Variants in NKAIN2 observed in about 807,000 individuals in gnomAD.
The protein encoded by NKAIN2 is sodium/potassium transporting ATPase interacting 2.
In NKAIN2, 14 loss-of-function variants were observed where a neutral mutation model predicts 32.6. That is an observed-to-expected ratio of 0.43 (90% CI 0.28 to 0.67). NKAIN2 has a LOEUF of 0.67. NKAIN2 is among the 30% of genes least tolerant of loss of function. The pLI, the probability that NKAIN2 is intolerant of heterozygous loss-of-function variation, is 0.17. For missense variants in NKAIN2, 198 were observed against 258.3 expected, an observed-to-expected ratio of 0.77 and a Z score of 1.60; for synonymous variants, 80 against 87.2, an observed-to-expected ratio of 0.92 and a Z score of 0.46.
intron 1 of NKAIN2, among the ~76,000 whole-genome samples, chr6:124,179,889 A>C (rs1353158066): frequency 6.6e-6 from 1 of 152,210 alleles, no homozygotes; most frequent in Non-Finnish European, 1.5e-5. Flanking sequence ...AACTATGTCT[A>C]ATTTTGGCAG....
intron 2 of NKAIN2, among the ~76,000 whole-genome samples, chr6:124,312,615 C>T (rs1330145122): frequency 6.6e-6 from 1 of 152,188 alleles, no homozygotes; most frequent in Admixed American, 6.5e-5. Flanking sequence ...GTGCTGCTCT[C>T]TGGGAATCTT....
chr6:124,711,199 C>A (rs1244310120), intron 4 of NKAIN2, among the ~76,000 whole-genome samples: 5 of 124,664 alleles, frequency 4.0e-5, no homozygotes, highest in South Asian at 2.9e-4. Context: ...CTGAGAGATC[C>A]GCTGTTAGTC....
intron 4 of NKAIN2, among the ~76,000 whole-genome samples, chr6:124,711,454 A>G (rs1345344373): frequency 2.7e-5 from 4 of 150,862 alleles, no homozygotes; most frequent in Non-Finnish European, 5.9e-5. Flanking sequence ...TTTCAGGTAC[A>G]CCAGTCAGAC....
intron 1 of NKAIN2, among the ~76,000 whole-genome samples, chr6:123,984,693 T>C (rs1376998510): frequency 6.6e-6 from 1 of 152,168 alleles, no homozygotes; most frequent in Non-Finnish European, 1.5e-5. Flanking sequence ...AGTTATCTTT[T>C]ATCAACTCAA....
At chr6:124,305,976 A>G (rs1796491928) in intron 2 of NKAIN2, among the ~76,000 whole-genome samples, 1 of 151,480 alleles carries the variant, frequency 6.6e-6, no homozygotes, top group Admixed American at 6.6e-5. Flanking sequence ...ATTTCTCCCA[A>G]TTGTCCTTAC....
At position 124,373,608 on chromosome 6, in the gene NKAIN2, C is replaced by G. The variant is rs1194398290; in HGVS notation, c.273+18261C>G. 1.3e-5 allele frequency among the ~76,000 whole-genome samples: 2 copies of G among 152,092 alleles called. 1 individual carries two copies. Among genetic ancestry groups the G allele is most frequent in the South Asian group, 4.1e-4 (2 of 4,828 alleles). The stretch of plus-strand genomic sequence containing the variant: ...TATGCCCCAGGGCTCTGCAACTTCT[C>G]ATGTCTGAAGAAGAGGATCCAGAAA... On this transcript the variant is annotated intron_variant, in intron 3 of 6. Coordinates refer to ENST00000368417, the MANE Select transcript of NKAIN2 (RefSeq NM_001040214.3).
intron 4 of NKAIN2, among the ~76,000 whole-genome samples, chr6:124,790,635 G>A (rs1477258047): frequency 6.6e-6 from 1 of 152,006 alleles, no homozygotes; most frequent in Non-Finnish European, 1.5e-5. Context: ...CTAATAGGAA[G>A]GAATACAAAA....
chr6:124,346,926 G>A (rs1023853842), intron 2 of NKAIN2, among the ~76,000 whole-genome samples: 1 of 152,110 alleles, frequency 6.6e-6, no homozygotes, highest in Non-Finnish European at 1.5e-5. Flanking sequence ...TTTCTTCCTA[G>A]TCTCAATGGT....
intron 1 of NKAIN2, among the ~76,000 whole-genome samples, chr6:123,826,893 A>G (rs1321147530): frequency 1.3e-5 from 2 of 152,070 alleles, no homozygotes; most frequent in African/African-American, 4.8e-5. Context: ...TGGCATTTCT[A>G]TTTGTAATTT....
intron 1 of NKAIN2, among the ~76,000 whole-genome samples, chr6:124,141,908 C>T (rs1199451671): frequency 6.6e-6 from 1 of 152,124 alleles, no homozygotes; most frequent in East Asian, 1.9e-4. Flanking sequence ...AAATTTTCAG[C>T]TTTTCTCCCT....
chr6:123,938,216 G>A (rs1776611540), intron 1 of NKAIN2, among the ~76,000 whole-genome samples: 1 of 151,266 alleles, frequency 6.6e-6, no homozygotes, highest in Admixed American at 6.6e-5. Context: ...ACTAGGGGAA[G>A]AGATTTTAAA....
At chr6:124,179,616 G>T (rs1789336300) in intron 1 of NKAIN2, among the ~76,000 whole-genome samples, 1 of 152,208 alleles carries the variant, frequency 6.6e-6, no homozygotes, top group African/African-American at 2.4e-5. Flanking sequence ...CAGAGGGACT[G>T]CTGGGAGAGC....
chr6:124,186,200 A>AGG (rs1421965391), intron 1 of NKAIN2, among the ~76,000 whole-genome samples: 2 of 123,354 alleles, frequency 1.6e-5, no homozygotes, highest in African/African-American at 9.5e-5. Flanking sequence ...GAAGGAAGGA[A>AGG]AGAAGGAAAG....
chr6:124,002,856 AG>A (rs1395197294), intron 1 of NKAIN2, among the ~76,000 whole-genome samples: 1 of 152,196 alleles, frequency 6.6e-6, no homozygotes, highest in Non-Finnish European at 1.5e-5. Flanking sequence ...GACTTTGGCA[AG>A]CTTTGAACTG....
At chr6:124,258,152 A>C (rs1308850040) in intron 1 of NKAIN2, among the ~76,000 whole-genome samples, 1 of 152,128 alleles carries the variant, frequency 6.6e-6, no homozygotes, top group Non-Finnish European at 1.5e-5. Context: ...TAAAAAAAAA[A>C]AAAAACTGAG....
chr6:123,933,396 G>C (rs185922361), intron 1 of NKAIN2, among the ~76,000 whole-genome samples: 3 of 152,160 alleles, frequency 2.0e-5, no homozygotes, highest in Admixed American at 2.0e-4. Context: ...ATAGTTTGTA[G>C]CTTATATGTA....
intron 2 of NKAIN2, among the ~76,000 whole-genome samples, chr6:124,310,755 C>T (rs1467203532): frequency 2.0e-5 from 3 of 152,104 alleles, no homozygotes; most frequent in Admixed American, 1.3e-4. Flanking sequence ...AGATTGCCAG[C>T]GAATTCCTCT....
intron 3 of NKAIN2, among the ~76,000 whole-genome samples, chr6:124,419,448 G>C (rs569253303): frequency 1.3e-5 from 2 of 152,210 alleles, no homozygotes; most frequent in South Asian, 4.1e-4. Flanking sequence ...AGTTTGGTGG[G>C]ATTCATAACC....
chr6:123,989,813 A>G (rs1336619165), intron 1 of NKAIN2, among the ~76,000 whole-genome samples: 3 of 152,212 alleles, frequency 2.0e-5, no homozygotes, highest in Non-Finnish European at 4.4e-5. Context: ...ATTATGTAGG[A>G]TAAAAATCAG....
Sources: allele counts gnomAD v4.1 joint callset (sites outside exome capture counted in the v4.1 genomes callset), GRCh38; gene constraint gnomAD v4.1.1; transcripts MANE v1.5; gene names NCBI Gene and HGNC (gene_info 2026-07-23, HGNC 2026-07-21).